The following TTLL11 variants were observed in gnomAD, a reference collection of about 807,000 sequenced individuals.
TTLL11 encodes the protein tubulin tyrosine ligase like 11.
Under a neutral mutation model 51.7 loss-of-function variants are expected in TTLL11, and 42 were observed. The ratio of observed to expected loss-of-function variants is 0.81; its 90% CI spans 0.64 to 1.05. The LOEUF (loss-of-function observed/expected upper bound fraction) is 1.05, where lower values mean the gene tolerates loss of function less well. Among genes scored for constraint, TTLL11 ranks in the 50% least tolerant of loss-of-function variants. The pLI is 0.00. For synonymous variants in TTLL11, 381 were observed against 383.5 expected, an observed-to-expected ratio of 0.99 and a Z score of 0.08; for missense variants, 799 against 940.4, an observed-to-expected ratio of 0.85 and a Z score of 1.97.
chr9:121,984,946 G>C (rs1842908521), intron 4 of TTLL11, among the ~76,000 whole-genome samples: 2 of 152,142 alleles, frequency 1.3e-5, no homozygotes, highest in Non-Finnish European at 2.9e-5. Context: ...GTTGCTGGGA[G>C]CTACCTAGGC....
At chr9:122,064,521 T>C (rs537181977) in intron 1 of TTLL11, among the ~76,000 whole-genome samples, 1 of 152,358 alleles carries the variant, frequency 6.6e-6, no homozygotes, top group Admixed American at 6.5e-5. Context: ...AATCTCCCTA[T>C]ATGCCTGTTG....
intron 3 of TTLL11, among the ~76,000 whole-genome samples, chr9:122,023,883 C>T (rs539677862): frequency 6.6e-6 from 1 of 152,104 alleles, no homozygotes; most frequent in African/African-American, 2.4e-5. Flanking sequence ...AATCCATAAC[C>T]CCTAAGATCA....
chr9:121,835,229 C>T (rs566695657), intron 8 of TTLL11, among the ~76,000 whole-genome samples: 3 of 152,304 alleles, frequency 2.0e-5, no homozygotes, highest in Admixed American at 2.0e-4. Flanking sequence ...CACCAGGATT[C>T]CCACTCGGCA....
intron 3 of TTLL11, among the ~76,000 whole-genome samples, chr9:122,003,131 C>A (rs1458122431): frequency 6.6e-6 from 1 of 151,916 alleles, no homozygotes; most frequent in East Asian, 1.9e-4. Context: ...AGCTAAACAG[C>A]CACAGAAGAA....
rs1836506576 is a variant in TTLL11 at position 121,819,432 on chromosome 9, T to C, written c.*3155A>G. 6.6e-6 allele frequency: 1 copy of C among 152,468 alleles called. No individual in the cohort carries two copies. Among genetic ancestry groups the C allele is most frequent in the Non-Finnish European group, 1.5e-5 (1 of 68,276 alleles). The allele number at this position is 152,468 out of a possible 1,614,324, so 9.4% of individuals were successfully genotyped here. The stretch of plus-strand genomic sequence containing the variant: ...GCTTCCCTCCCCAGATTGGTCCCAC[T>C]AACTTGTCATACTTGGATGTGAACC... On this transcript the variant is annotated 3_prime_UTR_variant, in exon 9 of 9. Transcript: ENST00000321582.
intron 8 of TTLL11, among the ~76,000 whole-genome samples, chr9:121,835,912 G>C (rs78847678): frequency 0.032 from 4,880 of 152,288 alleles, 236 homozygotes; most frequent in African/African-American, 0.11. Context: ...GGAGGCTCAG[G>C]ACTCATTCCT....
chr9:122,031,968 AG>A, intron 2 of TTLL11, 112 bp from the exon 3 acceptor site: 1 of 1,430,980 alleles, frequency 7.0e-7, no homozygotes, highest in Non-Finnish European at 9.3e-7. Flanking sequence ...TTTTTCAGGC[AG>A]GATTTTTAAA....
intron 3 of TTLL11, among the ~76,000 whole-genome samples, chr9:121,992,598 C>T (rs770407495): frequency 2.0e-5 from 3 of 152,210 alleles, no homozygotes; most frequent in African/African-American, 4.8e-5. Context: ...GTATTCTGCA[C>T]TGGTGTTAGC....
intron 6 of TTLL11, among the ~76,000 whole-genome samples, chr9:121,955,028 C>G (rs1841977970): frequency 6.6e-6 from 1 of 152,174 alleles, no homozygotes; most frequent in South Asian, 2.1e-4. Flanking sequence ...GACCTCGACT[C>G]CCAGCCAGTT....
chr9:121,835,198 G>T (rs1194746008), intron 8 of TTLL11, among the ~76,000 whole-genome samples: 1 of 152,210 alleles, frequency 6.6e-6, no homozygotes, highest in East Asian at 1.9e-4. Flanking sequence ...GAATGTCCAT[G>T]TTTACTGAGG....
chr9:121,871,931 G>A (rs1838372861), intron 6 of TTLL11, among the ~76,000 whole-genome samples: 1 of 152,232 alleles, frequency 6.6e-6, no homozygotes, highest in Non-Finnish European at 1.5e-5. Flanking sequence ...ATCCTGTCGG[G>A]ATCTGGGGCC....
chr9:121,895,543 CGTT>C (rs1469973580), intron 6 of TTLL11, among the ~76,000 whole-genome samples: 3 of 144,770 alleles, frequency 2.1e-5, no homozygotes, highest in African/African-American at 7.7e-5. Context: ...CTGTGTGTTT[CGTT>C]GTACATATGT....
At chr9:122,040,537 A>T (rs1844821282) in intron 1 of TTLL11, 1 of 410,172 alleles carries the variant, frequency 2.4e-6, no homozygotes, top group Non-Finnish European at 3.3e-6. Context: ...TGCTTGTTAA[A>T]AGTGCACACA....
chr9:121,883,415 C>T (rs1172140691), intron 6 of TTLL11, among the ~76,000 whole-genome samples: 1 of 152,146 alleles, frequency 6.6e-6, no homozygotes, highest in Admixed American at 6.5e-5. Context: ...TTATTGAGTA[C>T]TAACTCTGCA....
intron 6 of TTLL11, among the ~76,000 whole-genome samples, chr9:121,899,406 C>CACAT (rs1839689402): frequency 3.2e-5 from 4 of 123,088 alleles, no homozygotes; most frequent in Non-Finnish European, 6.7e-5. Context: ...TATATATACA[C>CACAT]ACACACACAC....
At chr9:121,824,574 T>A (rs1366657209) in intron 8 of TTLL11, among the ~76,000 whole-genome samples, 1 of 151,324 alleles carries the variant, frequency 6.6e-6, no homozygotes, top group Non-Finnish European at 1.5e-5. Context: ...GCCTGGAAAT[T>A]CAAACTGACT....
intron 1 of TTLL11, among the ~76,000 whole-genome samples, chr9:122,055,236 G>GATAGATAGATAA (rs1201266401): frequency 2.1e-5 from 3 of 145,086 alleles, no homozygotes; most frequent in Non-Finnish European, 4.8e-5. Context: ...TAGATAGATA[G>GATAGATAGATAA]ATAGATAAAG....
intron 8 of TTLL11, among the ~76,000 whole-genome samples, chr9:121,859,281 A>G (rs1210028107): frequency 1.3e-5 from 2 of 151,980 alleles, no homozygotes; most frequent in Non-Finnish European, 2.9e-5. Context: ...ACTTGAGCTC[A>G]GGAGTTCAAG....
chr9:122,023,280 C>G (rs943611406), intron 3 of TTLL11, among the ~76,000 whole-genome samples: 78 of 151,874 alleles, frequency 5.1e-4, no homozygotes, highest in African/African-American at 1.8e-3. Context: ...CAGCCTATAT[C>G]TATCAAAGAA....
Sources: gnomAD v4.1 joint callset for allele counts (sites outside exome capture counted in the v4.1 genomes callset) on GRCh38, gnomAD v4.1.1 for gene constraint, MANE v1.5 for transcripts, NCBI Gene and HGNC (gene_info 2026-07-23, HGNC 2026-07-21) for gene names.